CDK6: variants seen among roughly 807,000 people sequenced by gnomAD.
CDK6 encodes the protein cyclin dependent kinase 6, also known as cyclin-dependent kinase 6.
Under a neutral mutation model 37.1 loss-of-function variants are expected in CDK6, and 6 were observed. That is an observed-to-expected ratio of 0.16 (90% CI 0.09 to 0.32). The LOEUF is 0.32. Among genes scored for constraint, CDK6 ranks in the 10% least tolerant of loss-of-function variants. The pLI is 1.00. For missense variants in CDK6, 224 were observed against 418.9 expected (o/e 0.53, Z 4.06); for synonymous variants, 160 against 161.3 (o/e 0.99, Z 0.06).
At chr7:92,682,822 A>T (rs1017899113) in intron 4 of CDK6, among the ~76,000 whole-genome samples, 5 of 152,238 alleles carry the variant, frequency 3.3e-5, no homozygotes, top group Admixed American at 6.5e-5. Context: ...TAGTCAACAG[A>T]TGACTTTTTA....
chr7:92,830,770 T>C (rs1293872580), intron 2 of CDK6, among the ~76,000 whole-genome samples: 4 of 152,196 alleles, frequency 2.6e-5, no homozygotes, highest in Non-Finnish European at 5.9e-5. Flanking sequence ...CATCAATAAT[T>C]TCCTCAAGTA....
intron 4 of CDK6, among the ~76,000 whole-genome samples, chr7:92,716,992 C>T (rs954696095): frequency 2.0e-5 from 3 of 152,090 alleles, no homozygotes; most frequent in Non-Finnish European, 2.9e-5. Flanking sequence ...AATGCTTAGT[C>T]TTTATATCCA....
chr7:92,674,851 A>C lies in CDK6; in HGVS notation c.538-3316T>G, dbSNP rs1792044697. ...TATTATTTCTTTCTTTTTTCTTTTT[A>C]GACAGGGTCTTGCTCTGTTGCCCAG... On this transcript the variant is annotated intron_variant, in intron 4 of 7. Transcript: ENST00000424848. 1.3e-5 allele frequency among the ~76,000 whole-genome samples: 2 copies of C among 152,154 alleles called. 1 individual carries two copies. The highest frequency in any genetic ancestry group is 4.1e-4 in the South Asian group (2 of 4,836).
At chr7:92,808,567 TTATC>T (rs1216100171) in intron 2 of CDK6, among the ~76,000 whole-genome samples, 16 of 152,342 alleles carry the variant, frequency 1.1e-4, no homozygotes, top group African/African-American at 3.8e-4. Flanking sequence ...TATATTCTGT[TTATC>T]TATCTTCTTG....
At chr7:92,683,165 AGGCTGCAG>A (rs1185021134) in intron 4 of CDK6, among the ~76,000 whole-genome samples, 3 of 152,232 alleles carry the variant, frequency 2.0e-5, no homozygotes, top group African/African-American at 7.2e-5. Flanking sequence ...AGGATATGGC[AGGCTGCAG>A]GGCTCATTGT....
At chr7:92,643,061 A>AT (rs1225631217) in intron 5 of CDK6, among the ~76,000 whole-genome samples, 1 of 152,042 alleles carries the variant, frequency 6.6e-6, no homozygotes, top group Non-Finnish European at 1.5e-5. Context: ...CACCTGACTA[A>AT]TTTTTTGTAG....
At chr7:92,817,008 C>A (rs1052927556) in intron 2 of CDK6, among the ~76,000 whole-genome samples, 6 of 151,822 alleles carry the variant, frequency 4.0e-5, no homozygotes, top group African/African-American at 1.4e-4. Flanking sequence ...GTGATCTAAC[C>A]TATAAGGTCT....
intron 2 of CDK6, among the ~76,000 whole-genome samples, chr7:92,802,154 C>G (rs2115903642): frequency 6.6e-6 from 1 of 152,198 alleles, no homozygotes; most frequent in Admixed American, 6.5e-5. Context: ...ACCCATCAAA[C>G]AACCTCTGAT....
At chr7:92,667,899 G>T (rs1044862397) in intron 5 of CDK6, among the ~76,000 whole-genome samples, 3 of 152,066 alleles carry the variant, frequency 2.0e-5, no homozygotes, top group Non-Finnish European at 4.4e-5. Context: ...GTAAGCCAAG[G>T]TTGTTATTAT....
intron 3 of CDK6, among the ~76,000 whole-genome samples, chr7:92,767,099 C>T (rs532955064): frequency 6.6e-5 from 10 of 152,278 alleles, no homozygotes; most frequent in African/African-American, 2.2e-4. Context: ...TTTAGTTCTG[C>T]TGCTCTTTTA....
chr7:92,665,636 T>G (rs1796939960), intron 5 of CDK6, among the ~76,000 whole-genome samples: 1 of 152,218 alleles, frequency 6.6e-6, no homozygotes, highest in Non-Finnish European at 1.5e-5. Flanking sequence ...CTTAATAATA[T>G]GACAGAGAAT....
intron 4 of CDK6, among the ~76,000 whole-genome samples, chr7:92,706,805 C>A (rs1797977994): frequency 6.6e-6 from 1 of 152,226 alleles, no homozygotes; most frequent in Non-Finnish European, 1.5e-5. Flanking sequence ...TTCTTAGATT[C>A]TCAGTGAAAA....
chr7:92,719,886 G>T (rs1290464826), intron 4 of CDK6, among the ~76,000 whole-genome samples: 2 of 152,150 alleles, frequency 1.3e-5, no homozygotes, highest in Non-Finnish European at 2.9e-5. Flanking sequence ...ATCAATACTG[G>T]CATTGCCTTG....
chr7:92,673,882 A>G (rs10254702), intron 4 of CDK6, among the ~76,000 whole-genome samples: 36,037 of 151,622 alleles, frequency 0.24, 6,443 homozygotes, highest in East Asian at 0.49. Flanking sequence ...GGTTCAAGCA[A>G]TTCTCCTGCC....
intron 5 of CDK6, among the ~76,000 whole-genome samples, chr7:92,638,374 C>T (rs1007554074): frequency 9.9e-5 from 15 of 152,230 alleles, no homozygotes; most frequent in African/African-American, 3.1e-4. Context: ...AATTGAACAA[C>T]GTTTCACTGT....
At chr7:92,698,334 G>A (rs1797767118) in intron 4 of CDK6, among the ~76,000 whole-genome samples, 2 of 152,198 alleles carry the variant, frequency 1.3e-5, no homozygotes, top group South Asian at 4.1e-4. Flanking sequence ...TTACAGGGGG[G>A]CCTCTCTTAG....
At chr7:92,680,691 G>A (rs1797316334) in intron 4 of CDK6, among the ~76,000 whole-genome samples, 1 of 152,116 alleles carries the variant, frequency 6.6e-6, no homozygotes, top group Non-Finnish European at 1.5e-5. Flanking sequence ...CAGCTGCCTT[G>A]GCTCACATGG....
At chr7:92,706,783 C>T (rs1381626353) in intron 4 of CDK6, among the ~76,000 whole-genome samples, 1 of 152,234 alleles carries the variant, frequency 6.6e-6, no homozygotes, top group Non-Finnish European at 1.5e-5. Flanking sequence ...TTCACAATAA[C>T]ACACTGATTC....
chr7:92,671,347 G>T, intron 5 of CDK6, 79 bp downstream of exon 5: 1 of 883,654 alleles, frequency 1.1e-6, no homozygotes, highest in South Asian at 2.0e-5. Flanking sequence ...TGATAGAAAT[G>T]CCATGCTGCC....
Sources: gnomAD v4.1 joint callset for allele counts (sites outside exome capture counted in the v4.1 genomes callset) on GRCh38, gnomAD v4.1.1 for gene constraint, MANE v1.5 for transcripts, NCBI Gene and HGNC (gene_info 2026-07-23, HGNC 2026-07-21) for gene names.